The following FMN1 variants were observed in gnomAD, a reference collection of about 807,000 sequenced individuals.
FMN1 encodes formin 1.
Under a neutral mutation model 132.4 loss-of-function variants are expected in FMN1, and 110 were observed. The observed-to-expected ratio is 0.83, with a 90% CI of 0.71 to 0.97. The LOEUF is 0.97. FMN1 is among the 50% of genes least tolerant of loss of function. FMN1 has a pLI of 0.00. For synonymous variants in FMN1, 722 were observed against 651.7 expected, an observed-to-expected ratio of 1.11 and a Z score of -1.64; for missense variants, 1,792 against 1,705.3, an observed-to-expected ratio of 1.05 and a Z score of -0.90.
chr15:33,017,735 T>G (rs145637113), intron 6 of FMN1, among the ~76,000 whole-genome samples: 2 of 152,246 alleles, frequency 1.3e-5, no homozygotes, highest in Non-Finnish European at 2.9e-5. Context: ...CACTAGTTTC[T>G]TACCGCTATG....
chr15:32,969,615 T>A, intron 7 of FMN1, 138 bp from the exon 8 acceptor site: 2 of 1,035,142 alleles, frequency 1.9e-6, no homozygotes, highest in Non-Finnish European at 2.7e-6. Flanking sequence ...GACATTCTTT[T>A]AAGAATCCAT....
chr15:33,093,752 G>T (rs1386830339), intron 4 of FMN1, among the ~76,000 whole-genome samples: 1 of 152,176 alleles, frequency 6.6e-6, no homozygotes, highest in Non-Finnish European at 1.5e-5. Context: ...AAAGGCTGAT[G>T]GCAAATCAAA....
chr15:33,131,903 C>T (rs1963565077), intron 4 of FMN1, among the ~76,000 whole-genome samples: 1 of 152,190 alleles, frequency 6.6e-6, no homozygotes, highest in Non-Finnish European at 1.5e-5. Context: ...AGATACTAGT[C>T]TGAATAGCAC....
At chr15:32,925,077 ATC>A (rs1451314300) in intron 10 of FMN1, among the ~76,000 whole-genome samples, 1 of 152,218 alleles carries the variant, frequency 6.6e-6, no homozygotes, top group Non-Finnish European at 1.5e-5. Flanking sequence ...TGCACACAAA[ATC>A]TCTTCTCTTT....
At chr15:32,940,153 G>C (rs1311947404) in intron 9 of FMN1, among the ~76,000 whole-genome samples, 1 of 152,118 alleles carries the variant, frequency 6.6e-6, no homozygotes, top group African/African-American at 2.4e-5. Flanking sequence ...CTTCCCTCTA[G>C]TTTTCAACCT....
chr15:33,007,909 C>T (rs2034502434), intron 7 of FMN1, 105 bp downstream of exon 7: 3 of 904,942 alleles, frequency 3.3e-6, no homozygotes, highest in Non-Finnish European at 5.1e-6. Context: ...AGATGCGATG[C>T]TGTCTAGTTT....
intron 4 of FMN1, among the ~76,000 whole-genome samples, chr15:33,106,478 A>G (rs1158103955): frequency 1.3e-5 from 2 of 152,018 alleles, no homozygotes; most frequent in Non-Finnish European, 2.9e-5. Flanking sequence ...ATTCTGATAT[A>G]TCCCCAAATT....
At chr15:32,792,081 G>GA (rs1647976666) in intron 19 of FMN1, among the ~76,000 whole-genome samples, 1 of 152,022 alleles carries the variant, frequency 6.6e-6, no homozygotes, top group East Asian at 1.9e-4. Context: ...TAAGGAGGGA[G>GA]ATGAAGAAGG....
chr15:32,922,628 C>A (rs988377102), intron 10 of FMN1, among the ~76,000 whole-genome samples: 1 of 152,174 alleles, frequency 6.6e-6, no homozygotes, highest in Non-Finnish European at 1.5e-5. Flanking sequence ...GCCACATGAT[C>A]TATTTGTGGG....
intron 5 of FMN1, among the ~76,000 whole-genome samples, chr15:33,084,505 GA>G (rs1174338696): frequency 6.6e-6 from 1 of 152,118 alleles, no homozygotes; most frequent in East Asian, 1.9e-4. Context: ...GTTCCAAGTA[GA>G]TCGTGTCAAT....
At position 33,056,125 on chromosome 15, in the gene FMN1, T is replaced by C. The variant is rs958784579; in HGVS notation, c.2161+8832A>G. Among the ~76,000 whole-genome samples the C allele has an allele frequency of 5.9e-5, 9 of 152,210 alleles. No homozygotes were observed. In the East Asian group the frequency reaches 9.6e-4, roughly 16 times the overall value. ...ATGTATAAACTGATAAAAATCCCTT[T>C]GAAACACTGTTTAGCATCATCTGCT... On this transcript the variant is annotated intron_variant, in intron 6 of 20. Coordinates refer to ENST00000616417, the MANE Select transcript of FMN1 (RefSeq NM_001277313.2).
At chr15:32,929,558 T>C (rs1398055926) in intron 9 of FMN1, among the ~76,000 whole-genome samples, 1 of 152,166 alleles carries the variant, frequency 6.6e-6, no homozygotes, top group African/African-American at 2.4e-5. Flanking sequence ...TAACAGAAAT[T>C]TTATACCCAC....
chr15:32,914,793 G>A (rs1043147725), intron 10 of FMN1, among the ~76,000 whole-genome samples: 43 of 152,182 alleles, frequency 2.8e-4, no homozygotes, highest in African/African-American at 9.2e-4. Flanking sequence ...CTGAGGCTTT[G>A]AGCCTAGGTT....
intron 4 of FMN1, among the ~76,000 whole-genome samples, chr15:33,133,161 G>A (rs764130916): frequency 2.0e-5 from 3 of 152,132 alleles, no homozygotes; most frequent in Non-Finnish European, 4.4e-5. Context: ...AGGAAGAGGG[G>A]ATTATGCAAC....
intron 4 of FMN1, among the ~76,000 whole-genome samples, chr15:33,114,180 T>C (rs345762): frequency 0.3 from 45,756 of 152,118 alleles, 7,449 homozygotes; most frequent in East Asian, 0.64. Context: ...TATATCTCAA[T>C]GTGCTGCAAG....
chr15:32,922,215 T>C (rs11637646), intron 10 of FMN1, among the ~76,000 whole-genome samples: 38,845 of 152,086 alleles, frequency 0.26, 5,260 homozygotes, highest in Non-Finnish European at 0.31. Context: ...TGGCACTCTA[T>C]ACAGTTTTAT....
At chr15:32,981,392 C>A (rs1300157640) in intron 7 of FMN1, among the ~76,000 whole-genome samples, 1 of 151,666 alleles carries the variant, frequency 6.6e-6, no homozygotes, top group Non-Finnish European at 1.5e-5. Context: ...GTGGCAGGCA[C>A]TTGTAGTCCC....
intron 3 of FMN1, among the ~76,000 whole-genome samples, chr15:33,168,795 C>G (rs1595593803): frequency 6.6e-6 from 1 of 152,188 alleles, no homozygotes; most frequent in African/African-American, 2.4e-5. Flanking sequence ...CCAGATCTAA[C>G]TAGCCGCTAT....
rs550592607 is a variant in FMN1, at chr15:32,954,548, T to C, written c.3138+9559A>G. Among the ~76,000 whole-genome samples the C allele has an allele frequency of 2.6e-5, 4 of 152,334 alleles. No individual in the cohort carries two copies. The East Asian group carries it at 5.8e-4, about 22-fold the overall frequency. ...TAAAGGACTTGTTCGGGATTCGATA[T>C]TTGGTTAGGGTCAGAGTCAGAATTA... is the stretch of plus-strand genomic sequence containing the variant. On this transcript the variant is annotated intron_variant, in intron 9 of 20. Coordinates refer to ENST00000616417, the MANE Select transcript of FMN1 (RefSeq NM_001277313.2).
Sources: gnomAD v4.1 joint callset for allele counts (sites outside exome capture counted in the v4.1 genomes callset) on GRCh38, gnomAD v4.1.1 for gene constraint, MANE v1.5 for transcripts, NCBI Gene and HGNC (gene_info 2026-07-23, HGNC 2026-07-21) for gene names.